Variants in PHEX observed in about 807,000 individuals in gnomAD.
PHEX encodes the protein phosphate regulating endopeptidase X-linked.
A neutral mutation model predicts 68.0 loss-of-function variants in PHEX; 16 were observed. The ratio of observed to expected loss-of-function variants is 0.24; its 90% CI spans 0.16 to 0.36. The LOEUF (loss-of-function observed/expected upper bound fraction) is 0.36. PHEX is among the 10% of genes least tolerant of loss of function. The pLI is 1.00. For synonymous variants in PHEX, 208 were observed against 205.1 expected, an observed-to-expected ratio of 1.01 and a Z score of -0.12; for missense variants, 480 against 575.5, an observed-to-expected ratio of 0.83 and a Z score of 1.70.
intron 12 of PHEX, among the ~76,000 whole-genome samples, chrX:22,140,461 T>C (rs775461399): frequency 8.9e-6 from 1 of 111,984 alleles, no homozygotes; most frequent in African/African-American, 3.2e-5. Flanking sequence ...TAAATGTTTT[T>C]CTTTTTTCTT....
In PHEX at chrX:22,226,461, C is replaced by A. The variant is rs756017274; in HGVS notation, c.1918C>A (p.Leu640Met). 1 of 1,201,860 alleles carries A rather than the reference C, an allele frequency of 8.3e-7. No homozygotes were observed. Among genetic ancestry groups the A allele is most frequent in the African/African-American group, 1.8e-5 (1 of 56,033 alleles). ...CTGTTAGGTCAAGGGGAAGAGGACC[C>A]TGGGAGAAAATATTGCTGATAATGG... ...AGLNVKGKRT[L>M]GENIADNGGL... The change falls in exon 19 of 22, where the codon CTG becomes ATG. Residue 640 changes from leucine to methionine, a missense_variant. Physicochemically the swap from Leu to Met is conservative, Grantham distance 15. Coordinates refer to ENST00000379374, the MANE Select transcript of PHEX (RefSeq NM_000444.6).
chrX:22,080,678 A>G (rs1929349695), intron 5 of PHEX, among the ~76,000 whole-genome samples: 1 of 111,201 alleles, frequency 9.0e-6, no homozygotes, highest in Non-Finnish European at 1.9e-5. Flanking sequence ...CCCCCCACTT[A>G]TAGGTTTTGT....
chrX:22,168,664 G>T (rs1164067485), intron 13 of PHEX, among the ~76,000 whole-genome samples: 1 of 112,081 alleles, frequency 8.9e-6, no homozygotes, highest in Admixed American at 9.5e-5. Context: ...ATAAAAGAAA[G>T]AATTAAGCAA....
rs2147183142 is a variant in PHEX, at chrX:22,226,476, G to A, written c.1933G>A (p.Ala645Thr). 1 of 1,203,838 alleles carries A rather than the reference G, an allele frequency of 8.3e-7. No homozygotes were observed. The change falls in exon 19 of 22, where the codon GCT (alanine) becomes ACT (threonine). Residue 645 changes from alanine to threonine, a missense_variant. Coordinates refer to ENST00000379374, the MANE Select transcript of PHEX (RefSeq NM_000444.6). ...GAAGAGGACCCTGGGAGAAAATATT[G>A]CTGATAATGGAGGCCTGCGGGAAGC... ...KGKRTLGENI[A>T]DNGGLREAFR...
At chrX:22,179,922 C>T (rs1280766158) in intron 14 of PHEX, among the ~76,000 whole-genome samples, 2 of 109,104 alleles carry the variant, frequency 1.8e-5, no homozygotes, top group Non-Finnish European at 3.8e-5. Flanking sequence ...TTTTCCTTTG[C>T]TTAACATTTT....
intron 3 of PHEX, among the ~76,000 whole-genome samples, chrX:22,051,789 T>C (rs901394796): frequency 1.1e-4 from 12 of 111,443 alleles, no homozygotes; most frequent in African/African-American, 3.9e-4. Context: ...GCAGATAGTA[T>C]ATGATAAAAT....
Position 22,165,728 on chromosome X carries a change from T to C in PHEX, c.1405-2584T>C, listed in dbSNP as rs776456551. Among the ~76,000 whole-genome samples, 16 of 112,172 alleles carry C rather than the reference T, an allele frequency of 1.4e-4. No individual in the cohort carries two copies. The South Asian group carries it at 5.6e-3, about 39-fold the overall frequency. On this transcript the variant is annotated intron_variant, in intron 12 of 21. Coordinates refer to ENST00000379374, the MANE Select transcript of PHEX (RefSeq NM_000444.6). ...GGTCAGAGCCCTGACAGTGTACTTGTAAGCTTCTCTTTTGCTTTTATGAAA... is the reference window on the plus strand; with the variant it reads ...GGTCAGAGCCCTGACAGTGTACTTGCAAGCTTCTCTTTTGCTTTTATGAAA...
chrX:22,097,103 C>A, intron 8 of PHEX, 65 bp downstream of exon 8: 3 of 789,550 alleles, frequency 3.8e-6, no homozygotes, highest in Non-Finnish European at 5.9e-6. Flanking sequence ...TGGATTTCAT[C>A]TCTGTGTAAA....
Position 22,050,445 on chromosome X carries a change from G to A in PHEX, c.349+3234G>A, listed in dbSNP as rs186087328. ...ATACAAAAAAAATTAGCCACGCATG[G>A]TGGAAATCCCAGCTCCTCAGGAGGC... On this transcript the variant is annotated intron_variant, in intron 3 of 21. Transcript: ENST00000379374. Among the ~76,000 whole-genome samples, 78 of 109,762 alleles carry A rather than the reference G, an allele frequency of 7.1e-4. No homozygotes were observed. The East Asian group carries it at 0.016, about 22-fold the overall frequency.
intron 20 of PHEX, among the ~76,000 whole-genome samples, chrX:22,235,011 GA>G (rs1390057049): frequency 9.0e-6 from 1 of 111,448 alleles, no homozygotes; most frequent in African/African-American, 3.3e-5. Context: ...AGACCGTGGG[GA>G]AAGTGCAGTA....
intron 20 of PHEX, among the ~76,000 whole-genome samples, chrX:22,234,553 T>C (rs1349973649): frequency 9.0e-6 from 1 of 110,803 alleles, no homozygotes. Context: ...CCTGGTGGCT[T>C]TGTTTACACT....
chrX:22,218,700 A>C (rs572150052), intron 16 of PHEX, among the ~76,000 whole-genome samples: 3 of 112,227 alleles, frequency 2.7e-5, no homozygotes, highest in Middle Eastern at 4.6e-3. Context: ...GGTGTTCATA[A>C]ATATATAGCT....
rs1255264322 is a variant in PHEX, at chrX:22,099,041, C to T, written c.969C>T (p.Asp323=). ...DWLGYIKKVI[D]TRLYPHLKDI... Reference sequence around the variant, plus strand: ...TGGGCTACATCAAGAAGGTCATTGACACCAGACTCTACCCCCATCTGAAAG... The same window carrying T: ...TGGGCTACATCAAGAAGGTCATTGATACCAGACTCTACCCCCATCTGAAAG... Residue 323 remains aspartate (D), a synonymous_variant, in exon 9 of 22, where the codon GAC becomes GAT. Transcript: ENST00000379374. 1 of 1,206,481 alleles carries T rather than the reference C, an allele frequency of 8.3e-7. No homozygotes were observed. The highest frequency in any genetic ancestry group is 1.1e-6 in the Non-Finnish European group (1 of 892,817).
At chrX:22,210,922 T>C (rs963937445) in intron 15 of PHEX, among the ~76,000 whole-genome samples, 2 of 109,886 alleles carry the variant, frequency 1.8e-5, no homozygotes, top group African/African-American at 6.7e-5. Context: ...TTTCTCCTCA[T>C]GTGTTCTGAC....
intron 14 of PHEX, among the ~76,000 whole-genome samples, chrX:22,186,641 C>T (rs1456202071): frequency 8.9e-6 from 1 of 112,290 alleles, no homozygotes; most frequent in Non-Finnish European, 1.9e-5. Flanking sequence ...AATATCAGCT[C>T]TGGGTATTAT....
chrX:22,160,578 G>A (rs1391564854), intron 12 of PHEX, among the ~76,000 whole-genome samples: 6 of 104,645 alleles, frequency 5.7e-5, no homozygotes, highest in African/African-American at 1.4e-4. Flanking sequence ...AAAGAAAAAA[G>A]AAAGCAAGCA....
At chrX:22,180,216 T>C (rs1314158295) in intron 14 of PHEX, among the ~76,000 whole-genome samples, 2 of 111,020 alleles carry the variant, frequency 1.8e-5, no homozygotes, top group South Asian at 3.8e-4. Context: ...CTTGAGTCCA[T>C]AGGGCTTCTA....
At chrX:22,191,468 A>T (rs1934197868) in intron 15 of PHEX, among the ~76,000 whole-genome samples, 1 of 112,683 alleles carries the variant, frequency 8.9e-6, no homozygotes, top group South Asian at 3.6e-4. Context: ...ATATCTCAAA[A>T]AGCTGAAGTT....
At chrX:22,236,546 T>C (rs1448281801) in intron 20 of PHEX, among the ~76,000 whole-genome samples, 1 of 113,084 alleles carries the variant, frequency 8.8e-6, no homozygotes, top group Non-Finnish European at 1.9e-5. Context: ...AAATAGAACT[T>C]TCTAGAGTTG....
Sources: gnomAD v4.1 joint callset for allele counts (sites outside exome capture counted in the v4.1 genomes callset) on GRCh38, gnomAD v4.1.1 for gene constraint, MANE v1.5 for transcripts, NCBI Gene and HGNC (gene_info 2026-07-23, HGNC 2026-07-21) for gene names.